The following UNC79 variants were observed in gnomAD, a reference collection of about 807,000 sequenced individuals.
The protein encoded by UNC79 is unc-79 subunit of NALCN channel complex.
In UNC79, 37 loss-of-function variants were observed where a neutral mutation model predicts 283.1. That is an observed-to-expected ratio of 0.13 (90% CI 0.10 to 0.17). UNC79 has a LOEUF of 0.17. UNC79 is among the 10% of genes least tolerant of loss of function. The pLI is 1.00. For synonymous variants in UNC79, 1,107 were observed against 1,200.2 expected (o/e 0.92, Z 1.61); for missense variants, 2,272 against 3,211.1 (o/e 0.71, Z 7.07).
At chr14:93,347,391 C>T (rs1372728262) in intron 1 of UNC79, 18 of 1,533,348 alleles carry the variant, frequency 1.2e-5, no homozygotes, top group Admixed American at 2.1e-5. Flanking sequence ...CCCTGTCTGC[C>T]GCGGTGAGTT....
At chr14:93,351,692 GGA>G (rs139340225) in intron 1 of UNC79, among the ~76,000 whole-genome samples, 1 of 151,976 alleles carries the variant, frequency 6.6e-6, no homozygotes, top group Admixed American at 6.6e-5. Flanking sequence ...ATTTATATAT[GGA>G]GAGAGAGAGA....
At position 93,647,529 on chromosome 14, in the gene UNC79, G is replaced by A. The variant is rs537592734; in HGVS notation, c.6083+883G>A. 7.2e-5 allele frequency among the ~76,000 whole-genome samples: 11 copies of A among 152,296 alleles called. No individual in the cohort carries two copies. The South Asian group carries it at 2.1e-3, about 29-fold the overall frequency. ...AGAAATAACATTCCAGGCAGAGGGA[G>A]CAGCAAATACAAAGTCTCTAAGTCA... On this transcript the variant is annotated intron_variant, in intron 35 of 48. Coordinates refer to ENST00000555664, the Ensembl canonical transcript of UNC79.
intron 1 of UNC79, among the ~76,000 whole-genome samples, chr14:93,433,468 C>T (rs1027147140): frequency 1.3e-5 from 2 of 152,012 alleles, no homozygotes; most frequent in Non-Finnish European, 2.9e-5. Flanking sequence ...ATAAAAAGAA[C>T]GCAGATTGGC....
chr14:93,691,555 C>T (rs923520464), intron 45 of UNC79, 194 bp from the exon 49 acceptor site: 2 of 623,642 alleles, frequency 3.2e-6, no homozygotes, highest in African/African-American at 3.7e-5. Flanking sequence ...TCTGAGCACA[C>T]TCCCACTGGT....
At chr14:93,533,009 G>C (rs1036165266) in intron 11 of UNC79, among the ~76,000 whole-genome samples, 1 of 152,036 alleles carries the variant, frequency 6.6e-6, no homozygotes, top group Non-Finnish European at 1.5e-5. Context: ...TATATGGAAA[G>C]TATTTATGTG....
chr14:93,595,582 G>A (rs1036316439), intron 23 of UNC79, among the ~76,000 whole-genome samples: 1 of 152,030 alleles, frequency 6.6e-6, no homozygotes, highest in African/African-American at 2.4e-5. Flanking sequence ...CATCCACGCG[G>A]GGGCCATTCT....
At chr14:93,334,482 T>C (rs1484470669) in intron 1 of UNC79, 1 of 152,108 alleles carries the variant, frequency 6.6e-6, no homozygotes, top group Non-Finnish European at 1.5e-5. Context: ...AGTGAGAAAA[T>C]ATAAAAGAAA....
chr14:93,412,258 G>C (rs1008434188), intron 1 of UNC79, among the ~76,000 whole-genome samples: 3 of 152,030 alleles, frequency 2.0e-5, no homozygotes, highest in Admixed American at 2.0e-4. Context: ...GAAAAAAATA[G>C]AAAACAGTGA....
At chr14:93,605,049 G>A (rs2065785146) in intron 26 of UNC79, 88 bp downstream of exon 27, 1 of 1,388,510 alleles carries the variant, frequency 7.2e-7, no homozygotes, top group Admixed American at 2.4e-5. Context: ...ACTGGACCAG[G>A]GTGATATACC....
intron 14 of UNC79, among the ~76,000 whole-genome samples, chr14:93,569,639 T>C (rs1475600201): frequency 2.0e-5 from 3 of 152,176 alleles, no homozygotes; most frequent in Non-Finnish European, 4.4e-5. Context: ...CCAGCAGTGT[T>C]GAGCTTTAAC....
intron 24 of UNC79, among the ~76,000 whole-genome samples, chr14:93,598,380 GT>G (rs2065235672): frequency 1.3e-5 from 2 of 151,228 alleles, no homozygotes; most frequent in Non-Finnish European, 3.0e-5. Context: ...GTGTGTGTGT[GT>G]GTGTGTGTGT....
At position 93,673,292 on chromosome 14, in the gene UNC79, G is replaced by C. The variant is rs2073049606; in HGVS notation, c.6637-59G>C. On this transcript the variant is annotated intron_variant, in intron 40 of 48. Transcript: ENST00000555664. ...AATTTTTTGGAAGCTCTTTTGACAT[G>C]GATATACTCTAATTGAATTTCTAAA... is the stretch of plus-strand genomic sequence containing the variant. 5 of 1,485,986 alleles carry C rather than the reference G, an allele frequency of 3.4e-6. No homozygotes were observed. The Admixed American group carries it at 9.5e-5, about 28-fold the overall frequency. The allele number at this position is 1,485,986 out of a possible 1,614,324, so 92.1% of individuals were successfully genotyped here.
At chr14:93,539,763 T>A (rs2061289213) in intron 12 of UNC79, among the ~76,000 whole-genome samples, 1 of 152,226 alleles carries the variant, frequency 6.6e-6, no homozygotes, top group Admixed American at 6.5e-5. Flanking sequence ...AATGTATGTT[T>A]CATTTCTATA....
At chr14:93,600,890 C>G (rs2065451068) in intron 25 of UNC79, 120 bp downstream of exon 25, 1 of 1,029,250 alleles carries the variant, frequency 9.7e-7, no homozygotes, top group African/African-American at 1.6e-5. Context: ...ACCTCATGCA[C>G]TCAATTCATT....
exon 46 of UNC79, chr14:93,691,924 A>G: frequency 1.2e-6 from 2 of 1,614,194 alleles, no homozygotes; most frequent in Non-Finnish European, 1.7e-6. Flanking sequence ...AGCATCCTTC[A>G]GCTAATGGCC....
At chr14:93,543,506 G>A (rs935205241) in intron 14 of UNC79, among the ~76,000 whole-genome samples, 4 of 151,742 alleles carry the variant, frequency 2.6e-5, no homozygotes, top group Admixed American at 2.6e-4. Context: ...AGAGACTACA[G>A]GCATGCATCA....
chr14:93,335,395 C>T (rs1372255956), intron 1 of UNC79, among the ~76,000 whole-genome samples: 2 of 152,252 alleles, frequency 1.3e-5, no homozygotes, highest in African/African-American at 4.8e-5. Context: ...GTGCCAAGCA[C>T]GGTACTACAT....
At chr14:93,609,952 T>C (rs1566768224) in intron 26 of UNC79, among the ~76,000 whole-genome samples, 1 of 152,190 alleles carries the variant, frequency 6.6e-6, no homozygotes, top group East Asian at 1.9e-4. Flanking sequence ...ACATCCTTTT[T>C]TCAGTACATT....
rs796415874 is a variant in UNC79, at chr14:93,355,196, GT to G, written c.-351+21682del. ...AGGCGCCTGCCACCATGCCCGGCTAGTTTTTTTTTCCCCCTGAGACAGAGTT... is the reference window on the plus strand; with the variant it reads ...AGGCGCCTGCCACCATGCCCGGCTAGTTTTTTTTCCCCCTGAGACAGAGTT... On this transcript the variant is annotated intron_variant, in intron 1 of 49. Transcript: ENST00000256339. Among the ~76,000 whole-genome samples, 21 of 150,976 alleles carry G rather than the reference GT, an allele frequency of 1.4e-4. 1 individual carries two copies. The highest frequency in any genetic ancestry group is 3.4e-3 in the Middle Eastern group (1 of 290).
Sources: gnomAD v4.1 joint callset for allele counts (sites outside exome capture counted in the v4.1 genomes callset) on GRCh38, gnomAD v4.1.1 for gene constraint, MANE v1.5 for transcripts, NCBI Gene and HGNC (gene_info 2026-07-23, HGNC 2026-07-21) for gene names.